MAPKAP1: variants seen among roughly 807,000 people sequenced by gnomAD.
The protein encoded by MAPKAP1 is target of rapamycin complex 2 subunit MAPKAP1.
In MAPKAP1, 20 loss-of-function variants were observed where a neutral mutation model predicts 65.7. The ratio of observed to expected loss-of-function variants is 0.30; its 90% CI spans 0.21 to 0.44. The LOEUF (loss-of-function observed/expected upper bound fraction) is 0.44, where lower values mean the gene tolerates loss of function less well. Among genes scored for constraint, MAPKAP1 ranks in the 20% least tolerant of loss-of-function variants. MAPKAP1 has a pLI of 1.00. For missense variants in MAPKAP1, 423 were observed against 648.0 expected (o/e 0.65, Z 3.77); for synonymous variants, 222 against 244.3 (o/e 0.91, Z 0.85).
At chr9:125,696,291 G>C (rs1835380616) in intron 1 of MAPKAP1, 2 of 151,878 alleles carry the variant, frequency 1.3e-5, no homozygotes, top group African/African-American at 4.8e-5. Context: ...CATGCCTGTA[G>C]TCCCAGCTGC....
chr9:125,589,915 T>C (rs937813792), intron 4 of MAPKAP1, among the ~76,000 whole-genome samples: 4 of 152,180 alleles, frequency 2.6e-5, no homozygotes, highest in Admixed American at 2.6e-4. Context: ...AGCTCTGAAA[T>C]AATAATTTCA....
chr9:125,579,776 C>T (rs1479003299), intron 5 of MAPKAP1, among the ~76,000 whole-genome samples: 1 of 152,096 alleles, frequency 6.6e-6, no homozygotes, highest in African/African-American at 2.4e-5. Flanking sequence ...AAGAAAATAC[C>T]TCACATTACA....
intron 1 of MAPKAP1, among the ~76,000 whole-genome samples, chr9:125,699,150 C>T (rs372762755): frequency 6.6e-6 from 1 of 152,126 alleles, no homozygotes; most frequent in Non-Finnish European, 1.5e-5. Context: ...TCTAAACACG[C>T]AATTCACTTA....
chr9:125,571,467 AGAGCTG>A (rs1466556834), intron 5 of MAPKAP1, among the ~76,000 whole-genome samples: 16 of 152,372 alleles, frequency 1.1e-4, no homozygotes, highest in African/African-American at 2.6e-4. Context: ...ACTCTTATGA[AGAGCTG>A]GAATGTTCAT....
rs539023186 is a variant in MAPKAP1 at position 125,664,904 on chromosome 9, C to G, written c.349+4914G>C. Among the ~76,000 whole-genome samples the G allele has an allele frequency of 3.3e-5, 5 of 152,082 alleles. No homozygotes were observed. In the East Asian group the frequency reaches 7.7e-4, roughly 23 times the overall value. ...TCCAGGAGGTGAATTCTGGCTTCACCACTTACTACTTACAAGTAACTTGGG... is the reference window on the plus strand; with the variant it reads ...TCCAGGAGGTGAATTCTGGCTTCACGACTTACTACTTACAAGTAACTTGGG... On this transcript the variant is annotated intron_variant, in intron 3 of 11. Coordinates refer to ENST00000265960, the MANE Select transcript of MAPKAP1 (RefSeq NM_001006617.3).
intron 9 of MAPKAP1, among the ~76,000 whole-genome samples, chr9:125,476,535 T>C (rs1854117845): frequency 6.6e-6 from 1 of 151,220 alleles, no homozygotes; most frequent in African/African-American, 2.5e-5. Context: ...TGAACTGTAC[T>C]CCACAGGTAC....
intron 5 of MAPKAP1, among the ~76,000 whole-genome samples, chr9:125,563,053 C>CTT (rs2131513130): frequency 6.6e-6 from 1 of 152,278 alleles, no homozygotes; most frequent in South Asian, 2.1e-4. Flanking sequence ...AACCTCCTTG[C>CTT]TTTTACAGAT....
At chr9:125,545,122 C>CT (rs1830383301) in intron 6 of MAPKAP1, among the ~76,000 whole-genome samples, 1 of 152,266 alleles carries the variant, frequency 6.6e-6, no homozygotes, top group South Asian at 2.1e-4. Context: ...ACTGAACACT[C>CT]TGTTACTGAA....
chr9:125,592,852 G>A (rs992796516), intron 4 of MAPKAP1, among the ~76,000 whole-genome samples: 1 of 140,010 alleles, frequency 7.1e-6, no homozygotes, highest in African/African-American at 2.6e-5. Context: ...GCAGTGAGCC[G>A]AGATAGCACC....
At chr9:125,532,185 A>G (rs776733395) in intron 7 of MAPKAP1, among the ~76,000 whole-genome samples, 3 of 152,320 alleles carry the variant, frequency 2.0e-5, no homozygotes, top group Non-Finnish European at 4.4e-5. Context: ...ACAAGTGTGC[A>G]CACACACACT....
intron 4 of MAPKAP1, among the ~76,000 whole-genome samples, chr9:125,599,511 G>A (rs1832240846): frequency 6.6e-6 from 1 of 151,838 alleles, no homozygotes; most frequent in South Asian, 2.1e-4. Flanking sequence ...CATGGAATAA[G>A]CCAGGCTATA....
chr9:125,508,551 GTAA>G, intron 7 of MAPKAP1, among the ~76,000 whole-genome samples: 1 of 152,316 alleles, frequency 6.6e-6, no homozygotes, highest in South Asian at 2.1e-4. Context: ...AAGTTTAGCT[GTAA>G]TAATTCATTT....
At chr9:125,516,175 C>T (rs1829456201) in intron 7 of MAPKAP1, among the ~76,000 whole-genome samples, 1 of 152,224 alleles carries the variant, frequency 6.6e-6, no homozygotes, top group Non-Finnish European at 1.5e-5. Flanking sequence ...TTTCAAACCA[C>T]TGCACTGGGG....
At chr9:125,699,424 A>C (rs1271894099) in intron 1 of MAPKAP1, among the ~76,000 whole-genome samples, 2 of 151,932 alleles carry the variant, frequency 1.3e-5, no homozygotes, top group East Asian at 3.9e-4. Context: ...TGCCCAGGCT[A>C]GTCTCTAACT....
chr9:125,578,625 CA>C (rs1831523560), intron 5 of MAPKAP1, among the ~76,000 whole-genome samples: 1 of 152,052 alleles, frequency 6.6e-6, no homozygotes, highest in African/African-American at 2.4e-5. Flanking sequence ...AGCAAAGAAA[CA>C]GGCAAGACAC....
intron 11 of MAPKAP1, among the ~76,000 whole-genome samples, chr9:125,443,692 GCCAGCTCCC>G (rs1369107076): frequency 0.011 from 762 of 68,936 alleles, 14 homozygotes; most frequent in African/African-American, 0.037. Flanking sequence ...CGCCAGCCCC[GCCAGCTCCC>G]CCAGCCCCCC....
At chr9:125,675,813 T>C (rs545718972) in intron 1 of MAPKAP1, among the ~76,000 whole-genome samples, 36 of 152,346 alleles carry the variant, frequency 2.4e-4, no homozygotes, top group Non-Finnish European at 4.4e-5. Context: ...ATAAGTCATA[T>C]ATGAATGTGC....
intron 4 of MAPKAP1, among the ~76,000 whole-genome samples, chr9:125,623,791 G>A (rs1289308334): frequency 0.025 from 565 of 22,438 alleles, no homozygotes; most frequent in Non-Finnish European, 0.046. Context: ...CAGCCGTGCC[G>A]TCCGGGAGGG....
At chr9:125,441,321 G>A (rs534233793) in intron 11 of MAPKAP1, among the ~76,000 whole-genome samples, 1 of 152,156 alleles carries the variant, frequency 6.6e-6, no homozygotes, top group South Asian at 2.1e-4. Flanking sequence ...GAAGAGGGCG[G>A]CTCTGGAGCT....
Sources: allele counts gnomAD v4.1 joint callset (sites outside exome capture counted in the v4.1 genomes callset), GRCh38; gene constraint gnomAD v4.1.1; transcripts MANE v1.5; gene names NCBI Gene and HGNC (gene_info 2026-07-23, HGNC 2026-07-21).